The following TOGARAM1 variants were observed in gnomAD, a reference collection of about 807,000 sequenced individuals.
The protein encoded by TOGARAM1 is TOG array regulator of axonemal microtubules protein 1.
In TOGARAM1, 100 loss-of-function variants were observed where a neutral mutation model predicts 166.6. That is an observed-to-expected ratio of 0.60 (90% CI 0.51 to 0.71). The LOEUF (loss-of-function observed/expected upper bound fraction) is 0.71, where lower values mean the gene tolerates loss of function less well. TOGARAM1 is among the 30% of genes least tolerant of loss of function. The pLI is 0.00. For synonymous variants in TOGARAM1, 758 were observed against 763.8 expected, an observed-to-expected ratio of 0.99 and a Z score of 0.13; for missense variants, 2,029 against 2,102.7, an observed-to-expected ratio of 0.96 and a Z score of 0.69.
intron 1 of TOGARAM1, 40 bp downstream of exon 1, chr14:44,964,507 AT>A: frequency 6.6e-7 from 1 of 1,510,650 alleles, no homozygotes; most frequent in Non-Finnish European, 8.8e-7. Flanking sequence ...AGTGTGAAGA[AT>A]TTAAATGAAA....
In TOGARAM1 at chr14:44,963,019, C is replaced by A; in HGVS notation, c.598C>A (p.Leu200Met). ...EENPALRKDA[L>M]QILHICLKRS... ...GAATCCAGCCCTGCGGAAAGATGCG[C>A]TGCAGATCCTTCATATATGTCTGAA... The change falls in exon 1 of 20, where the codon CTG becomes ATG. Residue 200 changes from leucine to methionine, a missense_variant. Transcript: ENST00000361462. 1.2e-6 allele frequency: 2 copies of A among 1,614,188 alleles called. No homozygotes were observed. Among genetic ancestry groups the A allele is most frequent in the South Asian group, 2.2e-5 (2 of 91,080 alleles).
chr14:45,044,945 C>A, intron 13 of TOGARAM1, 75 bp downstream of exon 13: 2 of 1,110,358 alleles, frequency 1.8e-6, no homozygotes, highest in South Asian at 1.6e-5. Flanking sequence ...AGAAAAGAAA[C>A]AAGCAAATCT....
chr14:45,039,523 C>G (rs567645208), intron 11 of TOGARAM1, among the ~76,000 whole-genome samples: 16 of 152,160 alleles, frequency 1.1e-4, no homozygotes, highest in Admixed American at 6.5e-4. Context: ...CCAAGCTGCT[C>G]TTAGCACCCT....
At chr14:44,997,852 T>G (rs1456679447) in intron 2 of TOGARAM1, among the ~76,000 whole-genome samples, 2 of 151,546 alleles carry the variant, frequency 1.3e-5, no homozygotes, top group Non-Finnish European at 2.9e-5. Flanking sequence ...TGAGCTTGAG[T>G]TCTAAATGAT....
chr14:45,011,501 A>T (rs540935921), intron 6 of TOGARAM1, among the ~76,000 whole-genome samples: 1 of 151,862 alleles, frequency 6.6e-6, no homozygotes, highest in Non-Finnish European at 1.5e-5. Context: ...TTTTGTAGAG[A>T]TGGAGTTTTG....
chr14:44,995,679 ATTT>A, intron 1 of TOGARAM1, 64 bp from the exon 2 acceptor site: 2 of 1,123,370 alleles, frequency 1.8e-6, no homozygotes, highest in Non-Finnish European at 2.5e-6. Context: ...GATCTAAGTT[ATTT>A]TGTCATATTT....
At position 45,058,145 on chromosome 14, in the gene TOGARAM1, T is replaced by G. The variant is rs570264811; in HGVS notation, c.4559+3596T>G. Among the ~76,000 whole-genome samples, 6 of 152,326 alleles carry G rather than the reference T, an allele frequency of 3.9e-5. No homozygotes were observed. In the East Asian group the frequency reaches 1.2e-3, roughly 29 times the overall value. On this transcript the variant is annotated intron_variant, in intron 16 of 19. Coordinates refer to ENST00000361462, the MANE Select transcript of TOGARAM1 (RefSeq NM_001308120.2). Reference sequence around the variant, plus strand: ...GATCCAGTGTTGGGTGCATATATATTTGGGATTGTTATAGCTTCTTGCTGA... The same window carrying G: ...GATCCAGTGTTGGGTGCATATATATGTGGGATTGTTATAGCTTCTTGCTGA...
chr14:45,036,074 G>A (rs1468304411), intron 11 of TOGARAM1, among the ~76,000 whole-genome samples: 1 of 145,528 alleles, frequency 6.9e-6, no homozygotes, highest in Non-Finnish European at 1.5e-5. Flanking sequence ...AGGCTGCAGT[G>A]AGCTGTGATT....
intron 7 of TOGARAM1, among the ~76,000 whole-genome samples, chr14:45,016,797 T>A (rs1181549078): frequency 1.3e-5 from 2 of 152,192 alleles, no homozygotes; most frequent in African/African-American, 4.8e-5. Context: ...TATTAAATAA[T>A]TTAAAATAGG....
intron 13 of TOGARAM1, among the ~76,000 whole-genome samples, chr14:45,045,823 T>C (rs1277924068): frequency 6.7e-6 from 1 of 149,868 alleles, no homozygotes; most frequent in Non-Finnish European, 1.5e-5. Flanking sequence ...TGGTTCCACA[T>C]CTTTGTAATT....
intron 1 of TOGARAM1, among the ~76,000 whole-genome samples, chr14:44,991,800 A>C (rs1453530858): frequency 6.6e-6 from 1 of 152,062 alleles, no homozygotes; most frequent in Non-Finnish European, 1.5e-5. Flanking sequence ...AGGATTTATC[A>C]GTAGGATTCT....
rs368560504 is a variant in TOGARAM1, at chr14:44,999,467, C to T, written c.2308C>T (p.Leu770=). 3.7e-6 allele frequency: 6 copies of T among 1,611,272 alleles called. No individual in the cohort carries two copies. Among genetic ancestry groups the T allele is most frequent in the South Asian group, 2.2e-5 (2 of 90,528 alleles). ...CAGTGTGGGTTCTGACTTACAATTC[C>T]TAGGGACAACTAGCAGTCATCAAGA... is the stretch of plus-strand genomic sequence containing the variant. The part of the protein sequence containing the change: ...TGSVGSDLQF[L]GTTSSHQEKV... Residue 770 remains leucine (L), a synonymous_variant, in exon 3 of 20, where the codon CTA becomes TTA. Transcript: ENST00000361462.
chr14:45,068,488 A>T lies in TOGARAM1; in HGVS notation c.4814A>T (p.Glu1605Val), dbSNP rs756851601. ...SNSKVNLVALETMHKMIPLLR... is the reference protein window; with the variant it reads ...SNSKVNLVALVTMHKMIPLLR... ...AGTAAAGTAAATCTGGTGGCTCTGG[A>T]AACAATGCACAAAATGATTCCTCTA... Residue 1605 changes from glutamate (E) to valine (V), a missense_variant, in exon 18 of 20, where the codon GAA (glutamate) becomes GTA (valine). By Grantham distance (121) the Glu-to-Val change is moderately radical (BLOSUM62 -2). Around this residue, in one of 2 missense-constraint regions of TOGARAM1, gnomAD observed 576 missense variants for 670.5 expected, o/e 0.86. Coordinates refer to ENST00000361462, the MANE Select transcript of TOGARAM1 (RefSeq NM_001308120.2). 1 of 1,613,516 alleles carries T rather than the reference A, an allele frequency of 6.2e-7. No homozygotes were observed. Among genetic ancestry groups the T allele is most frequent in the Non-Finnish European group, 8.5e-7 (1 of 1,179,712 alleles).
chr14:45,008,308 G>A (rs547235607), intron 5 of TOGARAM1, among the ~76,000 whole-genome samples: 2 of 147,594 alleles, frequency 1.4e-5, no homozygotes, highest in East Asian at 2.0e-4. Flanking sequence ...GTGCAATCTC[G>A]GCTCATTGCA....
At chr14:45,020,554 G>T (rs571228572) in intron 7 of TOGARAM1, among the ~76,000 whole-genome samples, 1 of 152,182 alleles carries the variant, frequency 6.6e-6, no homozygotes, top group Admixed American at 6.5e-5. Flanking sequence ...GTACTCTTTT[G>T]TTGCGGGGCT....
intron 14 of TOGARAM1, among the ~76,000 whole-genome samples, chr14:45,047,666 C>T (rs1224023996): frequency 6.6e-6 from 1 of 152,066 alleles, no homozygotes; most frequent in East Asian, 1.9e-4. Flanking sequence ...AAGCAAGTTA[C>T]TTAATTTCTG....
intron 1 of TOGARAM1, among the ~76,000 whole-genome samples, chr14:44,992,070 GT>G (rs1887165884): frequency 1.8e-5 from 1 of 55,222 alleles, no homozygotes; most frequent in African/African-American, 5.2e-5. Flanking sequence ...GACCCTGTCT[GT>G]TAAAAAAAAA....
At chr14:45,013,896 A>C (rs1879958820) in intron 7 of TOGARAM1, among the ~76,000 whole-genome samples, 1 of 152,170 alleles carries the variant, frequency 6.6e-6, no homozygotes, top group Non-Finnish European at 1.5e-5. Flanking sequence ...AATGGAAAAT[A>C]ATAGATTTTA....
chr14:45,015,840 C>T (rs993930051), intron 7 of TOGARAM1, among the ~76,000 whole-genome samples: 5 of 152,234 alleles, frequency 3.3e-5, no homozygotes, highest in Middle Eastern at 3.4e-3. Context: ...TTTACTGCCT[C>T]ATCAGTGAAG....
Sources: allele counts gnomAD v4.1 joint callset (sites outside exome capture counted in the v4.1 genomes callset), GRCh38; gene constraint gnomAD v4.1.1; regional missense constraint gnomAD v4.1.1; transcripts MANE v1.5; gene names NCBI Gene and HGNC (gene_info 2026-07-23, HGNC 2026-07-21).